DPP6: variants seen among roughly 807,000 people sequenced by gnomAD.
DPP6 encodes A-type potassium channel modulatory protein DPP6.
DPP6 carries 69 observed loss-of-function variants against 122.6 expected under a neutral mutation model. That is an observed-to-expected ratio of 0.56 (90% CI 0.46 to 0.69). The LOEUF (loss-of-function observed/expected upper bound fraction) is 0.69, where lower values mean the gene tolerates loss of function less well. Ranked by LOEUF, DPP6 falls within the 30% of genes least tolerant of loss-of-function variation. The probability of loss-of-function intolerance (pLI) is 0.00; values close to 1 mark genes in which losing one functional copy is unlikely to be tolerated. For synonymous variants in DPP6, 418 were observed against 433.1 expected (o/e 0.97, Z 0.43); for missense variants, 928 against 1,116.9 (o/e 0.83, Z 2.41).
At chr7:154,448,064 T>C (rs1409354160) in intron 2 of DPP6, among the ~76,000 whole-genome samples, 8 of 152,138 alleles carry the variant, frequency 5.3e-5, no homozygotes, top group African/African-American at 1.9e-4. Context: ...TATTGGAGGG[T>C]CTAGCCAGGG....
intron 1 of DPP6, among the ~76,000 whole-genome samples, chr7:154,307,396 A>C (rs1287045290): frequency 6.6e-6 from 1 of 152,160 alleles, no homozygotes; most frequent in Non-Finnish European, 1.5e-5. Flanking sequence ...CACCCAGAAG[A>C]AGCAGCTGTC....
chr7:154,595,122 C>T (rs892234318), intron 5 of DPP6, among the ~76,000 whole-genome samples: 2 of 152,006 alleles, frequency 1.3e-5, no homozygotes, highest in African/African-American at 4.8e-5. Flanking sequence ...GGCTGTTGAA[C>T]GCCTGTGTCT....
intron 1 of DPP6, among the ~76,000 whole-genome samples, chr7:154,188,099 C>G (rs1798437577): frequency 6.6e-6 from 1 of 152,024 alleles, no homozygotes; most frequent in Non-Finnish European, 1.5e-5. Flanking sequence ...TCTCTTGACT[C>G]TTCTGGTCAC....
chr7:153,810,119 G>A, the DPP6 span, among the ~76,000 whole-genome samples: 1 of 152,232 alleles, frequency 6.6e-6, no homozygotes, highest in Non-Finnish European at 1.5e-5. Flanking sequence ...TGCCATAAAA[G>A]CGAGTTTGCA....
chr7:154,141,893 G>T (rs1421701852), intron 1 of DPP6, among the ~76,000 whole-genome samples: 1 of 152,164 alleles, frequency 6.6e-6, no homozygotes, highest in East Asian at 1.9e-4. Context: ...TGATCAATTT[G>T]CTTATGTTAA....
At chr7:153,990,994 T>C (rs1357818316) in intron 1 of DPP6, among the ~76,000 whole-genome samples, 1 of 152,202 alleles carries the variant, frequency 6.6e-6, no homozygotes, top group East Asian at 1.9e-4. Context: ...CCTTGGGATG[T>C]GCAGTGGTAC....
At chr7:154,183,993 G>C (rs1798228559) in intron 1 of DPP6, among the ~76,000 whole-genome samples, 1 of 152,166 alleles carries the variant, frequency 6.6e-6, no homozygotes, top group Non-Finnish European at 1.5e-5. Context: ...CTTAGCATAA[G>C]ATTAAGTGGA....
rs1216941674 is a variant in DPP6, at chr7:154,863,638, G to C, written c.1715-4357G>C. Reference sequence around the variant, plus strand: ...GAGACTAGCCTGGGAAACACAATGAGACCCTACCTCTGCAAAAATTACAAA... The same window carrying C: ...GAGACTAGCCTGGGAAACACAATGACACCCTACCTCTGCAAAAATTACAAA... On this transcript the variant is annotated intron_variant, in intron 17 of 25. Coordinates refer to ENST00000377770, the MANE Select transcript of DPP6 (RefSeq NM_130797.4). The surrounding 1 kb of genome is among the most constrained non-coding windows in gnomAD (Gnocchi z 4.1). 6.6e-6 allele frequency among the ~76,000 whole-genome samples: 1 copy of C among 152,042 alleles called. No homozygotes were observed. The highest frequency in any genetic ancestry group is 2.4e-5 in the African/African-American group (1 of 41,396).
chr7:154,726,962 A>G (rs1842096221), intron 7 of DPP6, among the ~76,000 whole-genome samples: 1 of 152,090 alleles, frequency 6.6e-6, no homozygotes, highest in Non-Finnish European at 1.5e-5. Flanking sequence ...CCATCCAACA[A>G]TTCTCTAGGA....
At chr7:154,655,555 A>G (rs1012644286) in intron 6 of DPP6, among the ~76,000 whole-genome samples, 2 of 152,220 alleles carry the variant, frequency 1.3e-5, no homozygotes, top group Admixed American at 1.3e-4. Context: ...CATAGCCCCA[A>G]AGTAAATCAC....
chr7:153,827,945 C>T, the DPP6 span, among the ~76,000 whole-genome samples: 10 of 152,316 alleles, frequency 6.6e-5, no homozygotes, highest in African/African-American at 2.4e-4. Flanking sequence ...TCGGGATGGT[C>T]ACTGATGCTC....
At chr7:154,319,688 T>G (rs1370051142) in intron 1 of DPP6, among the ~76,000 whole-genome samples, 1 of 149,712 alleles carries the variant, frequency 6.7e-6, no homozygotes, top group African/African-American at 2.5e-5. Context: ...GGAGTGAGAC[T>G]TTGTCTCAAA....
Position 154,868,060 on chromosome 7 carries a change from G to A in DPP6, c.1780G>A (p.Val594Met). The A allele has an allele frequency of 6.2e-7, 1 of 1,609,168 alleles. No individual in the cohort carries two copies. Among genetic ancestry groups the A allele is most frequent in the Non-Finnish European group, 8.5e-7 (1 of 1,177,864 alleles). The change falls in exon 18 of 26, where the codon GTG becomes ATG. Residue 594 changes from valine to methionine, a missense_variant. By Grantham distance (21) the Val-to-Met change is conservative. Transcript: ENST00000377770. Reference protein sequence around the residue: ...KAINDRQMPKVEYRDIEIDDY... With the variant: ...KAINDRQMPKMEYRDIEIDDY... ...CATAAATGACCGACAGATGCCTAAA[G>A]TGGAATACAGGGACATTGAGATTGA...
intron 1 of DPP6, among the ~76,000 whole-genome samples, chr7:154,443,716 G>A (rs1432958416): frequency 1.3e-5 from 2 of 151,344 alleles, no homozygotes; most frequent in East Asian, 1.9e-4. Context: ...ATACGTCGAC[G>A]AATGTGGATG....
intron 3 of DPP6, among the ~76,000 whole-genome samples, chr7:154,498,138 A>C (rs1824913939): frequency 6.6e-6 from 1 of 152,240 alleles, no homozygotes; most frequent in African/African-American, 2.4e-5. Flanking sequence ...TGAGATTGCC[A>C]CAGTTGATAC....
At chr7:153,865,816 C>T in the DPP6 span, among the ~76,000 whole-genome samples, 1 of 128,840 alleles carries the variant, frequency 7.8e-6, no homozygotes, top group South Asian at 3.0e-4. Flanking sequence ...CCCCACCCCA[C>T]AACAGGCCCC....
At chr7:154,051,998 C>G (rs1475290556), upstream of DPP6, among the ~76,000 whole-genome samples, 1 of 150,160 alleles carries the variant, frequency 6.7e-6, no homozygotes, top group African/African-American at 2.4e-5. Context: ...GAGCCCGGCG[C>G]CGCAGCGCGT....
chr7:153,928,512 C>T, intron 1 of DPP6, among the ~76,000 whole-genome samples: 1 of 146,480 alleles, frequency 6.8e-6, no homozygotes. Context: ...AAAGCACTGG[C>T]ATTACAGGTG....
intron 3 of DPP6, among the ~76,000 whole-genome samples, chr7:154,478,390 C>CACCACCATCTATCACCACT (rs1822940547): frequency 6.6e-6 from 1 of 152,070 alleles, no homozygotes; most frequent in Admixed American, 6.5e-5. Flanking sequence ...TATTACCCAC[C>CACCACCATCTATCACCACT]ACCACCATCT....
Sources: gnomAD v4.1 joint callset for allele counts (sites outside exome capture counted in the v4.1 genomes callset) on GRCh38, gnomAD v4.1.1 for gene constraint, Gnocchi (gnomAD v3.1) non-coding constraint, MANE v1.5 for transcripts, NCBI Gene and HGNC (gene_info 2026-07-23, HGNC 2026-07-21) for gene names.